PRICKLE1: variants seen among roughly 807,000 people sequenced by gnomAD.
PRICKLE1 encodes prickle-like protein 1.
PRICKLE1 carries 14 observed loss-of-function variants against 70.2 expected under a neutral mutation model. The ratio of observed to expected loss-of-function variants is 0.20; its 90% CI spans 0.13 to 0.31. The LOEUF (loss-of-function observed/expected upper bound fraction) is 0.31, where lower values mean the gene tolerates loss of function less well. PRICKLE1 is among the 10% of genes least tolerant of loss of function. The pLI, the probability that PRICKLE1 is intolerant of heterozygous loss-of-function variation, is 1.00. For missense variants in PRICKLE1, 821 were observed against 1,026.2 expected (o/e 0.80, Z 2.73); for synonymous variants, 357 against 379.9 (o/e 0.94, Z 0.70).
chr12:42,564,004 A>C (rs894339543), intron 1 of PRICKLE1, among the ~76,000 whole-genome samples: 5 of 152,024 alleles, frequency 3.3e-5, no homozygotes, highest in East Asian at 3.9e-4. Flanking sequence ...CACGCTTGTA[A>C]CCCCAGCACT....
chr12:42,525,111 AGG>A (rs1211139779), intron 1 of PRICKLE1: 1 of 152,190 alleles, frequency 6.6e-6, no homozygotes, highest in Non-Finnish European at 1.5e-5. Context: ...CCACTGGGGA[AGG>A]GGTTTCACCA....
chr12:42,578,982 C>T (rs1418941476), intron 1 of PRICKLE1, among the ~76,000 whole-genome samples: 2 of 152,032 alleles, frequency 1.3e-5, no homozygotes, highest in Admixed American at 6.6e-5. Flanking sequence ...AGGCTGGTGT[C>T]GAACTCCTGA....
At chr12:42,547,193 T>C (rs1337359808) in intron 1 of PRICKLE1, among the ~76,000 whole-genome samples, 1 of 152,200 alleles carries the variant, frequency 6.6e-6, no homozygotes, top group Non-Finnish European at 1.5e-5. Flanking sequence ...GGAAGGGTCT[T>C]AGTAATAAGC....
chr12:42,476,175 ACTT>A (rs1938522333), intron 1 of PRICKLE1, among the ~76,000 whole-genome samples: 2 of 148,006 alleles, frequency 1.4e-5, no homozygotes, highest in Admixed American at 1.3e-4. Context: ...ATCACTAGCA[ACTT>A]CTTTTTTCTT....
intron 3 of PRICKLE1, 40 bp downstream of exon 3, chr12:42,470,206 T>C (rs772486245): frequency 2.1e-6 from 3 of 1,396,308 alleles, no homozygotes; most frequent in Non-Finnish European, 2.0e-6. Context: ...CATGCATTTT[T>C]TCTTCTTTTT....
chr12:42,466,820 A>C (rs886574152), intron 5 of PRICKLE1, among the ~76,000 whole-genome samples: 1 of 151,858 alleles, frequency 6.6e-6, no homozygotes, highest in South Asian at 2.1e-4. Context: ...GCTGGAATTG[A>C]GTGAACAGCA....
chr12:42,544,332 T>C (rs1265058866), intron 1 of PRICKLE1, among the ~76,000 whole-genome samples: 1 of 152,120 alleles, frequency 6.6e-6, no homozygotes, highest in East Asian at 1.9e-4. Flanking sequence ...GTAGATGTAA[T>C]TTTTTTTGTA....
chr12:42,522,962 A>T (rs1003124866), intron 1 of PRICKLE1, among the ~76,000 whole-genome samples: 19 of 139,624 alleles, frequency 1.4e-4, no homozygotes, highest in East Asian at 1.3e-3. Context: ...ATTCTAACAT[A>T]TTTTTTTTTT....
At position 42,464,771 on chromosome 12, in the gene PRICKLE1, C is replaced by T. The variant is rs1282161056; in HGVS notation, c.1263G>A (p.Lys421=). 2 of 1,614,076 alleles carry T rather than the reference C, an allele frequency of 1.2e-6. No individual in the cohort carries two copies. Among genetic ancestry groups the T allele is most frequent in the Admixed American group, 1.7e-5 (1 of 59,980 alleles). ...GCTGAAAGAGGCTTTTATCACCAAA[C>T]TTGAGGAGGAGCTGCGTCATATAAT... ...HEDYMTQLLL[K]FGDKSLFQPQ... The change falls in exon 7 of 8, where the codon AAG becomes AAA. Residue 421 remains lysine (K), a synonymous_variant. Transcript: ENST00000345127. This position sits in a 1 kb window ranked among gnomAD's most constrained non-coding sequence, Gnocchi z 4.2.
At position 42,459,740 on chromosome 12, in the gene PRICKLE1, G is replaced by C; in HGVS notation, c.*69C>G. On this transcript the variant is annotated 3_prime_UTR_variant, in exon 8 of 8. Coordinates refer to ENST00000345127, the MANE Select transcript of PRICKLE1 (RefSeq NM_153026.3). ...TAAACTATTTTCACAACTTTCCTAC[G>C]GAAGAAAAGGAAACGATTCAGACGG... 5.1e-6 allele frequency: 8 copies of C among 1,580,346 alleles called. No individual in the cohort carries two copies. The highest frequency in any genetic ancestry group is 6.9e-6 in the Non-Finnish European group (8 of 1,151,766).
At chr12:42,549,628 C>A (rs534902338) in intron 1 of PRICKLE1, among the ~76,000 whole-genome samples, 3 of 152,250 alleles carry the variant, frequency 2.0e-5, no homozygotes, top group Admixed American at 6.5e-5. Flanking sequence ...TCCCCATAGA[C>A]CCTTCCCTCT....
At chr12:42,466,048 C>G in intron 6 of PRICKLE1, 146 bp downstream of exon 6, 1 of 865,988 alleles carries the variant, frequency 1.2e-6, no homozygotes, top group East Asian at 2.6e-5. Context: ...CAAAGCTCAT[C>G]AGCTGGAACA....
chr12:42,578,851 C>T (rs1277208301), intron 1 of PRICKLE1, among the ~76,000 whole-genome samples: 4 of 151,914 alleles, frequency 2.6e-5, no homozygotes, highest in Non-Finnish European at 5.9e-5. Flanking sequence ...CAACCTCAGC[C>T]TCCAGGTTCA....
rs1044617206 is a variant in PRICKLE1, at chr12:42,534,654, G to A, written c.-49+54811C>T. ...AGCATGCCTTGAAAAGGGCAGAGCA[G>A]GGATCTGCTGACTCTGGAGTCAGGA... is the stretch of plus-strand genomic sequence containing the variant. On this transcript the variant is annotated intron_variant, in intron 1 of 7. Coordinates refer to ENST00000345127, the MANE Select transcript of PRICKLE1 (RefSeq NM_153026.3). 3.7e-4 allele frequency among the ~76,000 whole-genome samples: 56 copies of A among 152,260 alleles called. 1 individual carries two copies. Among genetic ancestry groups the A allele is most frequent in the African/African-American group, 1.3e-3 (55 of 41,558 alleles).
chr12:42,521,604 G>A (rs148626397), intron 1 of PRICKLE1, among the ~76,000 whole-genome samples: 52 of 152,166 alleles, frequency 3.4e-4, no homozygotes, highest in African/African-American at 1.2e-3. Flanking sequence ...GGAGGCTGAG[G>A]TCGGGGGGAT....
At chr12:42,460,806 A>G (rs942056065) in intron 7 of PRICKLE1, 141 bp from the exon 8 acceptor site, 1 of 898,964 alleles carries the variant, frequency 1.1e-6, no homozygotes, top group Admixed American at 2.0e-5. Flanking sequence ...GAAAGCCAAC[A>G]TGTATCTATG....
chr12:42,530,875 T>G (rs1011603057), intron 1 of PRICKLE1, among the ~76,000 whole-genome samples: 4 of 150,614 alleles, frequency 2.7e-5, no homozygotes, highest in Admixed American at 2.0e-4. Flanking sequence ...TTCACCATGT[T>G]GGCCAGGCTG....
At position 42,485,158 on chromosome 12, in the gene PRICKLE1, G is replaced by A. The variant is rs181699691; in HGVS notation, c.-48-12594C>T. ...CTGTGATTTAAAAATACATAAACAA[G>A]TTGCCATAAATAGATCAGTCAAGTA... On this transcript the variant is annotated intron_variant, in intron 1 of 7. Transcript: ENST00000345127. 5.4e-5 allele frequency among the ~76,000 whole-genome samples: 8 copies of A among 148,316 alleles called. No individual in the cohort carries two copies. The East Asian group carries it at 1.2e-3, about 22-fold the overall frequency.
intron 1 of PRICKLE1, among the ~76,000 whole-genome samples, chr12:42,505,582 C>T (rs1171293005): frequency 1.3e-5 from 2 of 151,992 alleles, no homozygotes; most frequent in African/African-American, 2.4e-5. Flanking sequence ...ACTACAGGCA[C>T]GCACCACCAT....
Sources: allele counts gnomAD v4.1 joint callset (sites outside exome capture counted in the v4.1 genomes callset), GRCh38; gene constraint gnomAD v4.1.1; non-coding constraint Gnocchi (gnomAD v3.1); transcripts MANE v1.5; gene names NCBI Gene and HGNC (gene_info 2026-07-23, HGNC 2026-07-21).